MTHFD1L: variants seen among roughly 807,000 people sequenced by gnomAD.
The protein encoded by MTHFD1L is monofunctional C1-tetrahydrofolate synthase, mitochondrial.
Under a neutral mutation model 119.5 loss-of-function variants are expected in MTHFD1L, and 81 were observed. The observed-to-expected ratio is 0.68, with a 90% CI of 0.57 to 0.82. The LOEUF is 0.82. Ranked by LOEUF, MTHFD1L falls within the 40% of genes least tolerant of loss-of-function variation. The probability of loss-of-function intolerance (pLI) is 0.00; values close to 1 mark genes in which losing one functional copy is unlikely to be tolerated. For missense variants in MTHFD1L, 1,125 were observed against 1,253.4 expected, an observed-to-expected ratio of 0.90 and a Z score of 1.55; for synonymous variants, 430 against 475.2, an observed-to-expected ratio of 0.90 and a Z score of 1.24.
intron 7 of MTHFD1L, 120 bp downstream of exon 7, chr6:150,888,101 A>G (rs1583390961): frequency 9.0e-7 from 1 of 1,107,894 alleles, no homozygotes; most frequent in Non-Finnish European, 1.2e-6. Flanking sequence ...GAATAGACCC[A>G]TATCCATTAA....
intron 26 of MTHFD1L, among the ~76,000 whole-genome samples, chr6:151,075,986 T>C (rs1792459726): frequency 6.6e-6 from 1 of 152,142 alleles, no homozygotes; most frequent in South Asian, 2.1e-4. Flanking sequence ...AGAAAATACA[T>C]GAAAATATGC....
intron 7 of MTHFD1L, among the ~76,000 whole-genome samples, chr6:150,894,756 A>C (rs896096114): frequency 1.3e-5 from 2 of 152,236 alleles, no homozygotes; most frequent in East Asian, 3.8e-4. Flanking sequence ...AAACGGAAGG[A>C]TATTCTGTGG....
intron 20 of MTHFD1L, among the ~76,000 whole-genome samples, chr6:150,998,746 G>A (rs1025137221): frequency 1.3e-5 from 2 of 149,504 alleles, no homozygotes; most frequent in Non-Finnish European, 1.5e-5. Flanking sequence ...GGAGGCCAGG[G>A]CAGGCAGATC....
chr6:150,878,785 A>G (rs892644972), intron 4 of MTHFD1L, among the ~76,000 whole-genome samples: 26 of 152,310 alleles, frequency 1.7e-4, no homozygotes, highest in African/African-American at 5.3e-4. Flanking sequence ...TGCTATGTAA[A>G]CAAGGGGGCA....
chr6:150,923,509 C>CTTTATTTATTTATTTATTTG (rs1789370846), intron 10 of MTHFD1L, among the ~76,000 whole-genome samples: 1 of 118,044 alleles, frequency 8.5e-6, no homozygotes, highest in East Asian at 2.5e-4. Flanking sequence ...GTAACTGACA[C>CTTTATTTATTTATTTATTTG]TTTATTTATT....
intron 9 of MTHFD1L, among the ~76,000 whole-genome samples, chr6:150,918,963 A>G (rs1406978796): frequency 1.3e-5 from 2 of 152,092 alleles, no homozygotes; most frequent in East Asian, 1.9e-4. Flanking sequence ...ATTATCTCAC[A>G]GTTTCTTCAA....
chr6:151,092,036 G>T (rs991516382), intron 26 of MTHFD1L, among the ~76,000 whole-genome samples: 6 of 152,140 alleles, frequency 3.9e-5, no homozygotes, highest in African/African-American at 1.4e-4. Flanking sequence ...GAGTTTTCCA[G>T]CTGTGCTCCA....
In MTHFD1L at chr6:150,876,153, G is replaced by T. The variant is rs772750317; in HGVS notation, c.291G>T (p.Lys97Asn). 3.8e-6 allele frequency: 6 copies of T among 1,597,546 alleles called. No individual in the cohort carries two copies. Among genetic ancestry groups the T allele is most frequent in the Non-Finnish European group, 5.1e-6 (6 of 1,172,738 alleles). Residue 97 changes from lysine (K) to asparagine (N), a missense_variant, in exon 2 of 28, where the codon AAG becomes AAT. Physicochemically the swap from Lys to Asn is moderately conservative, Grantham distance 94. This residue lies in a region of MTHFD1L where 1,058 missense variants were observed against 1,151.2 expected (regional missense o/e 0.92). Transcript: ENST00000367321. ...TGCAAGAAAAAAACCCTGCCTTCAA[G>T]CCGGTTCTTGCAATTATCCAGGTAA... ...SLLQEKNPAF[K>N]PVLAIIQAGD...
At chr6:150,976,446 G>A (rs949436550) in intron 20 of MTHFD1L, among the ~76,000 whole-genome samples, 1 of 152,144 alleles carries the variant, frequency 6.6e-6, no homozygotes, top group Non-Finnish European at 1.5e-5. Context: ...TTTGAGGCCC[G>A]AAACAAAAGT....
intron 20 of MTHFD1L, among the ~76,000 whole-genome samples, chr6:150,991,139 G>A (rs1313447039): frequency 6.6e-6 from 1 of 152,156 alleles, no homozygotes; most frequent in Non-Finnish European, 1.5e-5. Context: ...TTACAGGCAT[G>A]AGCTGCCATG....
At chr6:151,075,452 C>T (rs982778406) in intron 26 of MTHFD1L, among the ~76,000 whole-genome samples, 1 of 151,624 alleles carries the variant, frequency 6.6e-6, no homozygotes, top group African/African-American at 2.4e-5. Context: ...CATAGCAGTT[C>T]TAAGTGTTTA....
intron 7 of MTHFD1L, among the ~76,000 whole-genome samples, chr6:150,900,301 G>T (rs1219660675): frequency 6.6e-6 from 1 of 152,000 alleles, no homozygotes. Flanking sequence ...TTTTCCCTTA[G>T]CCTGAATGAA....
At chr6:150,866,480 G>A in intron 1 of MTHFD1L, 1 of 1,318,554 alleles carries the variant, frequency 7.6e-7, no homozygotes, top group Non-Finnish European at 9.6e-7. Context: ...GGCTGGCCCG[G>A]GGTTCGGGAA....
intron 8 of MTHFD1L, among the ~76,000 whole-genome samples, chr6:150,907,056 C>T (rs1786045938): frequency 6.7e-6 from 1 of 150,026 alleles, no homozygotes; most frequent in Non-Finnish European, 1.5e-5. Flanking sequence ...GTGGACAGGG[C>T]TTCCTCTGTT....
intron 11 of MTHFD1L, among the ~76,000 whole-genome samples, chr6:150,934,542 G>A (rs1791719058): frequency 1.3e-5 from 2 of 152,188 alleles, no homozygotes; most frequent in Admixed American, 1.3e-4. Flanking sequence ...CCAGCGTCTA[G>A]CTCAGTGCCT....
chr6:150,974,724 C>CTTTTTTTTTTTTTTTTTTTTTTT (rs58490721), intron 20 of MTHFD1L, among the ~76,000 whole-genome samples: 4 of 144,620 alleles, frequency 2.8e-5, no homozygotes, highest in Non-Finnish European at 4.6e-5. Flanking sequence ...AATTCTCTTC[C>CTTTTTTTTTTTTTTTTTTTTTTT]TTTTTTTTTT....
chr6:150,916,794 C>CTTTTTTTTTTTT (rs1554245687), intron 8 of MTHFD1L, among the ~76,000 whole-genome samples: 1 of 74,220 alleles, frequency 1.3e-5, no homozygotes, highest in Non-Finnish European at 2.5e-5. Context: ...TGGAGTTTTG[C>CTTTTTTTTTTTT]TCTTGTTGCC....
chr6:151,054,454 G>C (rs1327197421), intron 26 of MTHFD1L, among the ~76,000 whole-genome samples: 3 of 152,184 alleles, frequency 2.0e-5, no homozygotes, highest in Non-Finnish European at 4.4e-5. Flanking sequence ...TGAGGACAAT[G>C]ATGGAGTGCT....
At chr6:150,937,128 C>G (rs1313399596) in intron 12 of MTHFD1L, among the ~76,000 whole-genome samples, 188 bp downstream of exon 12, 1 of 152,184 alleles carries the variant, frequency 6.6e-6, no homozygotes. Context: ...GCAGTGGGAG[C>G]CGCCAGGGCT....
Sources: gnomAD v4.1 joint callset for allele counts (sites outside exome capture counted in the v4.1 genomes callset) on GRCh38, gnomAD v4.1.1 for gene constraint, gnomAD v4.1.1 regional missense constraint, MANE v1.5 for transcripts, NCBI Gene and HGNC (gene_info 2026-07-23, HGNC 2026-07-21) for gene names.